Variants in NT5DC1 observed in about 807,000 individuals in gnomAD.
The protein encoded by NT5DC1 is 5'-nucleotidase domain containing 1.
NT5DC1 carries 42 observed loss-of-function variants against 59.4 expected under a neutral mutation model. That is an observed-to-expected ratio of 0.71 (90% confidence interval 0.55 to 0.92). The LOEUF (loss-of-function observed/expected upper bound fraction) is 0.92, where lower values mean the gene tolerates loss of function less well. Ranked by LOEUF, NT5DC1 falls within the 40% of genes least tolerant of loss-of-function variation. The pLI, the probability that NT5DC1 is intolerant of heterozygous loss-of-function variation, is 0.00. For missense variants in NT5DC1, 501 were observed against 537.1 expected (o/e 0.93, Z 0.66); for synonymous variants, 172 against 188.1 (o/e 0.91, Z 0.70).
chr6:116,153,870 A>G (rs892563270), intron 6 of NT5DC1, among the ~76,000 whole-genome samples: 1 of 152,112 alleles, frequency 6.6e-6, no homozygotes, highest in African/African-American at 2.4e-5. Context: ...CAGAAATGCA[A>G]TTTGGCAAAA....
At chr6:116,184,774 C>G (rs906926052) in intron 6 of NT5DC1, among the ~76,000 whole-genome samples, 1 of 151,978 alleles carries the variant, frequency 6.6e-6, no homozygotes, top group Non-Finnish European at 1.5e-5. Flanking sequence ...GTTCTTCTCT[C>G]TTCTTAGTTA....
At chr6:116,222,006 C>A (rs534920554) in intron 7 of NT5DC1, among the ~76,000 whole-genome samples, 2 of 152,134 alleles carry the variant, frequency 1.3e-5, no homozygotes, top group Admixed American at 1.3e-4. Context: ...CATCAAATAC[C>A]GAATTGCCAT....
At chr6:116,186,858 C>A (rs1201787445) in intron 6 of NT5DC1, among the ~76,000 whole-genome samples, 1 of 151,948 alleles carries the variant, frequency 6.6e-6, no homozygotes, top group Non-Finnish European at 1.5e-5. Context: ...CTTCTAAATT[C>A]TTTTTCTGGC....
At chr6:116,120,621 C>T (rs1419857933) in intron 6 of NT5DC1, 2 of 1,559,302 alleles carry the variant, frequency 1.3e-6, no homozygotes, top group Admixed American at 4.1e-5. Context: ...CCAGAGTGGC[C>T]TCTTGGACCT....
At chr6:116,231,215 G>C (rs1029015360) in intron 8 of NT5DC1, among the ~76,000 whole-genome samples, 1 of 142,172 alleles carries the variant, frequency 7.0e-6, no homozygotes, top group Non-Finnish European at 1.5e-5. Flanking sequence ...TAATTGTCCT[G>C]TTATAGCCCT....
chr6:116,158,164 A>G (rs1474765722), intron 6 of NT5DC1, among the ~76,000 whole-genome samples: 1 of 152,220 alleles, frequency 6.6e-6, no homozygotes, highest in African/African-American at 2.4e-5. Flanking sequence ...TTACAAATAA[A>G]TCTACATTGA....
rs1441660076 is a variant in NT5DC1 at position 116,246,692 on chromosome 6, G to A, written c.*2668G>A. On this transcript the variant is annotated 3_prime_UTR_variant, in exon 12 of 12. Transcript: ENST00000319550. ...CTTTTCAGCCTCTTGAGTACAAGAA[G>A]ACTATCATAAGAGTTAGTTCCAGAT... The A allele has an allele frequency of 6.6e-6, 1 of 152,156 alleles. No homozygotes were observed. Among genetic ancestry groups the A allele is most frequent in the Non-Finnish European group, 1.5e-5 (1 of 68,000 alleles). 9.4% of individuals were successfully genotyped at this position (152,156 alleles called of 1,614,324 possible). A position where few individuals can be genotyped will look rare whatever the true frequency, so the allele number is the denominator to read the frequency against.
chr6:116,152,065 G>C (rs1281691190), intron 6 of NT5DC1, among the ~76,000 whole-genome samples: 2 of 152,148 alleles, frequency 1.3e-5, no homozygotes, highest in African/African-American at 4.8e-5. Context: ...TCCTTACAAA[G>C]CAGAAGGTGA....
chr6:116,146,817 T>G (rs191511889), intron 6 of NT5DC1, among the ~76,000 whole-genome samples: 70 of 151,966 alleles, frequency 4.6e-4, no homozygotes, highest in African/African-American at 1.4e-3. Flanking sequence ...GGAAGACAGA[T>G]TATTCAATAA....
intron 6 of NT5DC1, among the ~76,000 whole-genome samples, chr6:116,205,072 G>A (rs1466218829): frequency 1.3e-5 from 2 of 151,956 alleles, no homozygotes; most frequent in African/African-American, 4.8e-5. Context: ...CAGTGCAGAA[G>A]TGTCCAAGCA....
At chr6:116,154,029 C>CTTTTTTT (rs34356532) in intron 6 of NT5DC1, among the ~76,000 whole-genome samples, 1 of 122,338 alleles carries the variant, frequency 8.2e-6, no homozygotes. Context: ...GGGAAGATTT[C>CTTTTTTT]TTTTTTTTTT....
At chr6:116,142,284 CT>C (rs573786007) in intron 6 of NT5DC1, among the ~76,000 whole-genome samples, 135 of 147,866 alleles carry the variant, frequency 9.1e-4, no homozygotes, top group African/African-American at 2.7e-3. Flanking sequence ...TCTATTTTTG[CT>C]TTTTTTTTCA....
intron 6 of NT5DC1, among the ~76,000 whole-genome samples, chr6:116,147,668 CTG>C (rs1779932741): frequency 6.6e-6 from 1 of 152,054 alleles, no homozygotes. Flanking sequence ...CAAATAGAAA[CTG>C]TTACAAGACT....
chr6:116,196,510 G>A (rs976633233), intron 6 of NT5DC1, among the ~76,000 whole-genome samples: 2 of 151,968 alleles, frequency 1.3e-5, no homozygotes, highest in East Asian at 3.9e-4. Flanking sequence ...TTTGCCATTT[G>A]GTTTTTAATA....
intron 6 of NT5DC1, among the ~76,000 whole-genome samples, chr6:116,118,440 T>C (rs1240663779): frequency 6.6e-6 from 1 of 152,162 alleles, no homozygotes; most frequent in Non-Finnish European, 1.5e-5. Flanking sequence ...TTACACAAGA[T>C]TGCTTCTAAG....
At chr6:116,149,181 A>G (rs1760810773) in intron 6 of NT5DC1, among the ~76,000 whole-genome samples, 1 of 152,218 alleles carries the variant, frequency 6.6e-6, no homozygotes, top group Admixed American at 6.5e-5. Flanking sequence ...TACATTTGGT[A>G]CAGAATTTGA....
rs946860250 is a variant in NT5DC1 at position 116,223,691 on chromosome 6, G to A, written c.802+560G>A. ...ATGAATAAAAAGAAGAGCCTGATCC[G>A]GAATAGAGAAGTTATAGTTTTTGGG... is the stretch of plus-strand genomic sequence containing the variant. On this transcript the variant is annotated intron_variant, in intron 8 of 11. Transcript: ENST00000319550. Among the ~76,000 whole-genome samples the A allele has an allele frequency of 3.3e-5, 5 of 152,294 alleles. No homozygotes were observed. In the East Asian group the frequency reaches 7.7e-4, roughly 23 times the overall value.
At chr6:116,106,401 A>G (rs1778769853) in intron 2 of NT5DC1, 66 bp downstream of exon 2, 1 of 742,778 alleles carries the variant, frequency 1.3e-6, no homozygotes, top group Non-Finnish European at 2.3e-6. Context: ...TGTTACTGAT[A>G]AAACTGTAAT....
chr6:116,205,459 G>A (rs1781430841), intron 6 of NT5DC1, among the ~76,000 whole-genome samples: 1 of 128,996 alleles, frequency 7.8e-6, no homozygotes, highest in Non-Finnish European at 1.5e-5. Context: ...TAATTTCCCT[G>A]TTATCTGGTA....
Sources: allele counts gnomAD v4.1 joint callset (sites outside exome capture counted in the v4.1 genomes callset), GRCh38; gene constraint gnomAD v4.1.1; transcripts MANE v1.5; gene names NCBI Gene and HGNC (gene_info 2026-07-23, HGNC 2026-07-21).